Variants in CDH7 observed in about 807,000 individuals in gnomAD.
CDH7 encodes cadherin 7, also known as cadherin-7.
Under a neutral mutation model 71.8 loss-of-function variants are expected in CDH7, and 25 were observed. The observed-to-expected ratio is 0.35, with a 90% CI of 0.25 to 0.49. The LOEUF is 0.49. CDH7 is among the 20% of genes least tolerant of loss of function. The pLI is 0.99. For missense variants in CDH7, 862 were observed against 974.6 expected, an observed-to-expected ratio of 0.88 and a Z score of 1.54; for synonymous variants, 381 against 363.8, an observed-to-expected ratio of 1.05 and a Z score of -0.54.
At chr18:65,853,341 C>A (rs560036025) in intron 7 of CDH7, among the ~76,000 whole-genome samples, 1 of 152,256 alleles carries the variant, frequency 6.6e-6, no homozygotes, top group African/African-American at 2.4e-5. Context: ...TCCACAACAT[C>A]AAATAGTGTT....
chr18:65,786,373 T>G (rs1035459232), intron 2 of CDH7, among the ~76,000 whole-genome samples: 19 of 152,252 alleles, frequency 1.2e-4, no homozygotes, highest in African/African-American at 4.3e-4. Context: ...ATTTTGGACA[T>G]TTTACAAAAT....
Position 65,886,434 on chromosome 18 carries a change from A to T in CDH7, c.*5540A>T, listed in dbSNP as rs1914376295. The T allele has an allele frequency of 6.6e-6, 1 of 152,126 alleles. No homozygotes were observed. Among genetic ancestry groups the T allele is most frequent in the South Asian group, 2.1e-4 (1 of 4,832 alleles). 9.4% of individuals were successfully genotyped at this position (152,126 alleles called of 1,614,324 possible). A position where few individuals can be genotyped will look rare whatever the true frequency, so the allele number is the denominator to read the frequency against. On this transcript the variant is annotated 3_prime_UTR_variant, in exon 12 of 12. Transcript: ENST00000397968. Reference sequence around the variant, plus strand: ...ACAGTTATTTATAAGATCTCAGAAGATTGCAGTTTAACTCAACATAATTCA... The same window carrying T: ...ACAGTTATTTATAAGATCTCAGAAGTTTGCAGTTTAACTCAACATAATTCA...
intron 11 of CDH7, among the ~76,000 whole-genome samples, chr18:65,870,293 G>T (rs1321558227): frequency 6.6e-6 from 1 of 152,112 alleles, no homozygotes; most frequent in Non-Finnish European, 1.5e-5. Context: ...TTTTAGCCTT[G>T]TGTTACTGGG....
In CDH7 at chr18:65,847,971, A is replaced by AC. The variant is rs1381049090; in HGVS notation, c.1235+3907dup. On this transcript the variant is annotated intron_variant, in intron 7 of 11. Transcript: ENST00000397968. ...TTGAGATTACTTAGAGGGAAAAAAA[A>AC]CGATTTTTTTTTTTAAAGAAAAATG... Among the ~76,000 whole-genome samples, 19 of 47,860 alleles carry AC rather than the reference A, an allele frequency of 4.0e-4. 1 individual carries two copies. The South Asian group carries it at 0.013, about 32-fold the overall frequency. 31.4% of individuals were successfully genotyped at this position (47,860 alleles called of 152,430 possible). A position where few individuals can be genotyped will look rare whatever the true frequency, so the allele number is the denominator to read the frequency against.
At position 65,843,988 on chromosome 18, in the gene CDH7, G is replaced by A. The variant is rs1200435040; in HGVS notation, c.1158G>A (p.Val386=). ...CTTCACCCTTGTACCCTATGGAGGT[G>A]TCGGAAGCTACCCAGGTTGGGAATA... ...VFSSPLYPME[V]SEATQVGNII... The change falls in exon 7 of 12, where the codon GTG becomes GTA. Residue 386 remains valine, a synonymous_variant. Coordinates refer to ENST00000397968, the MANE Select transcript of CDH7 (RefSeq NM_004361.5). 6.2e-7 allele frequency: 1 copy of A among 1,612,958 alleles called. No individual in the cohort carries two copies. Among genetic ancestry groups the A allele is most frequent in the Admixed American group, 1.7e-5 (1 of 59,942 alleles).
intron 6 of CDH7, among the ~76,000 whole-genome samples, chr18:65,840,024 A>G (rs1912670581): frequency 6.6e-6 from 1 of 152,220 alleles, no homozygotes. Context: ...TGGGTTACCT[A>G]TCAAAAATTA....
chr18:65,857,282 A>G (rs368964633), intron 7 of CDH7, among the ~76,000 whole-genome samples: 23 of 149,860 alleles, frequency 1.5e-4, no homozygotes, highest in South Asian at 8.4e-4. Flanking sequence ...CAGGAATTCA[A>G]GACCAGCCTG....
chr18:65,855,850 T>A (rs1913334814), intron 7 of CDH7, among the ~76,000 whole-genome samples: 1 of 152,110 alleles, frequency 6.6e-6, no homozygotes, highest in Non-Finnish European at 1.5e-5. Flanking sequence ...TTTAGATAAC[T>A]CAATCAAGCA....
intron 3 of CDH7, among the ~76,000 whole-genome samples, chr18:65,810,320 G>A (rs1461892795): frequency 6.6e-6 from 1 of 152,130 alleles, no homozygotes; most frequent in Non-Finnish European, 1.5e-5. Flanking sequence ...TGCCTCAGAA[G>A]TTAACAAACA....
chr18:65,751,709 C>A (rs1915885460), intron 1 of CDH7, among the ~76,000 whole-genome samples: 1 of 152,144 alleles, frequency 6.6e-6, no homozygotes, highest in African/African-American at 2.4e-5. Context: ...AATTAGTATT[C>A]TGCTGATCTG....
At chr18:65,872,730 A>G (rs560296719) in intron 11 of CDH7, among the ~76,000 whole-genome samples, 2 of 152,184 alleles carry the variant, frequency 1.3e-5, no homozygotes, top group South Asian at 4.2e-4. Flanking sequence ...CTCTTTCTCT[A>G]CAAAAAATAA....
intron 2 of CDH7, among the ~76,000 whole-genome samples, chr18:65,802,539 G>A (rs751219671): frequency 3.9e-5 from 6 of 152,122 alleles, no homozygotes; most frequent in African/African-American, 1.4e-4. Flanking sequence ...TTCTTCTTTT[G>A]ATAAAGAGCT....
At chr18:65,843,547 C>T (rs1038344517) in intron 6 of CDH7, among the ~76,000 whole-genome samples, 18 of 152,098 alleles carry the variant, frequency 1.2e-4, no homozygotes, top group African/African-American at 4.1e-4. Flanking sequence ...TCTTTCAAAT[C>T]GTATTCCAAA....
intron 7 of CDH7, among the ~76,000 whole-genome samples, chr18:65,852,708 T>C (rs777583345): frequency 2.0e-5 from 3 of 152,128 alleles, no homozygotes; most frequent in African/African-American, 7.2e-5. Flanking sequence ...CTAGCAAATA[T>C]AGTTTTTCAG....
chr18:65,848,498 A>G (rs963004684), intron 7 of CDH7, among the ~76,000 whole-genome samples: 7 of 152,178 alleles, frequency 4.6e-5, no homozygotes, highest in Non-Finnish European at 1.0e-4. Flanking sequence ...GTGAGATTTC[A>G]TTTGAAGGAG....
At chr18:65,812,833 T>C (rs1432937465) in intron 3 of CDH7, among the ~76,000 whole-genome samples, 1 of 152,180 alleles carries the variant, frequency 6.6e-6, no homozygotes, top group Non-Finnish European at 1.5e-5. Flanking sequence ...TCTTTTAAAA[T>C]GAAGTTGGAA....
rs550233872 is a variant in CDH7 at position 65,856,508 on chromosome 18, G to C, written c.1236-1308G>C. The stretch of plus-strand genomic sequence containing the variant: ...GATAGAGAGTAAGATGCTTGAAGTA[G>C]AGTTTCCCACAGTAATGCATATATT... On this transcript the variant is annotated intron_variant, in intron 7 of 11. Coordinates refer to ENST00000397968, the MANE Select transcript of CDH7 (RefSeq NM_004361.5). Among the ~76,000 whole-genome samples the C allele has an allele frequency of 4.6e-5, 7 of 152,198 alleles. No homozygotes were observed. In the East Asian group the frequency reaches 1.4e-3, roughly 29 times the overall value.
At chr18:65,777,135 T>C (rs1217356625) in intron 2 of CDH7, among the ~76,000 whole-genome samples, 1 of 152,084 alleles carries the variant, frequency 6.6e-6, no homozygotes, top group Non-Finnish European at 1.5e-5. Context: ...TCAGAGATGA[T>C]TTTTCTCTTC....
In CDH7 at chr18:65,762,942, T is replaced by G; in HGVS notation, c.100T>G (p.Ser34Ala). Residue 34 changes from serine (S) to alanine (A), a missense_variant, in exon 2 of 12, where the codon TCA (serine) becomes GCA (alanine). By Grantham distance (99) the Ser-to-Ala change is moderately conservative. Transcript: ENST00000397968. ...MSQAELSRSRSKPYFQSGRSR... is the reference protein window; with the variant it reads ...MSQAELSRSRAKPYFQSGRSR... ...TCAAGCAGAACTCTCAAGGTCCAGA[T>G]CAAAGCCCTATTTCCAATCAGGGAG... The G allele has an allele frequency of 6.2e-7, 1 of 1,613,654 alleles. No homozygotes were observed. Among genetic ancestry groups the G allele is most frequent in the Non-Finnish European group, 8.5e-7 (1 of 1,179,804 alleles).
Sources: gnomAD v4.1 joint callset for allele counts (sites outside exome capture counted in the v4.1 genomes callset) on GRCh38, gnomAD v4.1.1 for gene constraint, MANE v1.5 for transcripts, NCBI Gene and HGNC (gene_info 2026-07-23, HGNC 2026-07-21) for gene names.